Variants in ASPH observed in about 807,000 individuals in gnomAD.
ASPH encodes the protein aspartate beta-hydroxylase.
Under a neutral mutation model 118.4 loss-of-function variants are expected in ASPH, and 100 were observed. The observed-to-expected ratio is 0.84, with a 90% CI of 0.72 to 1.00. The LOEUF (loss-of-function observed/expected upper bound fraction) is 1.00, where lower values mean the gene tolerates loss of function less well. Ranked by LOEUF, ASPH falls within the 50% of genes least tolerant of loss-of-function variation. The pLI is 0.00. For synonymous variants in ASPH, 315 were observed against 325.6 expected (o/e 0.97, Z 0.35); for missense variants, 920 against 919.5 (o/e 1.00, Z -0.01).
rs180988487 is a variant in ASPH, at chr8:61,620,170, A to T, written c.935-1151T>A. ...ACATAAGAGGAAGAAAGGAAAACTA[A>T]CTTTGAAATCTAGCGTGCCAGGCTA... On this transcript the variant is annotated intron_variant, in intron 13 of 24. Transcript: ENST00000379454. Among the ~76,000 whole-genome samples the T allele has an allele frequency of 4.7e-4, 71 of 152,304 alleles. No individual in the cohort carries two copies. The East Asian group carries it at 8.5e-3, about 18-fold the overall frequency.
chr8:61,714,445 A>T lies in ASPH; in HGVS notation c.-74T>A, dbSNP rs3750279. ...GCGGGGGTACACACGCGACGCGGGA[A>T]CCGCTGGCGGCGGCGGGCCGCTGGA... On this transcript the variant is annotated 5_prime_UTR_variant, in exon 1 of 25. Coordinates refer to ENST00000379454, the MANE Select transcript of ASPH (RefSeq NM_004318.4). The T allele has an allele frequency of 7.3e-7, 1 of 1,360,924 alleles. No homozygotes were observed. Among genetic ancestry groups the T allele is most frequent in the Non-Finnish European group, 9.5e-7 (1 of 1,056,508 alleles). The allele number at this position is 1,360,924 out of a possible 1,614,324, so 84.3% of individuals were successfully genotyped here.
chr8:61,577,146 G>A (rs554361773), intron 15 of ASPH, among the ~76,000 whole-genome samples: 38 of 151,890 alleles, frequency 2.5e-4, no homozygotes, highest in Non-Finnish European at 2.1e-4. Flanking sequence ...TGGACACAGG[G>A]TGGGGAACAT....
At chr8:61,584,063 T>A (rs762865091) in intron 14 of ASPH, 34 bp from the exon 15 acceptor site, 17 of 1,320,096 alleles carry the variant, frequency 1.3e-5, no homozygotes, top group Non-Finnish European at 1.7e-5. Context: ...TTTTTAACGT[T>A]TTTTGACTAG....
intron 3 of ASPH, chr8:61,661,656 T>A (rs1816974170): frequency 3.6e-6 from 1 of 275,858 alleles, no homozygotes; most frequent in African/African-American, 2.2e-5. Flanking sequence ...AAATTACAAA[T>A]GACACTTGTT....
chr8:61,570,209 C>A (rs1833049699), intron 16 of ASPH, among the ~76,000 whole-genome samples: 1 of 152,094 alleles, frequency 6.6e-6, no homozygotes, highest in Non-Finnish European at 1.5e-5. Context: ...TAGCATATAG[C>A]CTATTTTATA....
chr8:61,513,280 G>T, intron 24 of ASPH, among the ~76,000 whole-genome samples: 1 of 152,160 alleles, frequency 6.6e-6, no homozygotes, highest in Non-Finnish European at 1.5e-5. Flanking sequence ...AGAACTTCCA[G>T]ATTTCATACT....
chr8:61,512,623 G>A (rs968994131), intron 24 of ASPH, among the ~76,000 whole-genome samples: 1 of 152,122 alleles, frequency 6.6e-6, no homozygotes, highest in Non-Finnish European at 1.5e-5. Flanking sequence ...GCAGCCTTAG[G>A]AAACATATAT....
At chr8:61,644,534 A>G (rs1806878325) in intron 7 of ASPH, 66 bp downstream of exon 7, 5 of 1,192,230 alleles carry the variant, frequency 4.2e-6, no homozygotes, top group East Asian at 2.7e-5. Context: ...GATATTATGT[A>G]TTTTATGATG....
intron 15 of ASPH, among the ~76,000 whole-genome samples, chr8:61,580,858 A>G (rs1282816795): frequency 6.6e-6 from 1 of 152,182 alleles, no homozygotes; most frequent in East Asian, 1.9e-4. Context: ...GTCCTTAATC[A>G]CATCTGCAAA....
chr8:61,649,803 T>G (rs1809971775), intron 5 of ASPH, among the ~76,000 whole-genome samples: 1 of 152,162 alleles, frequency 6.6e-6, no homozygotes, highest in African/African-American at 2.4e-5. Flanking sequence ...CCCCATGCAT[T>G]TTTCATGCTA....
intron 21 of ASPH, among the ~76,000 whole-genome samples, chr8:61,545,039 TG>T (rs1253492191): frequency 6.6e-6 from 1 of 152,128 alleles, no homozygotes; most frequent in African/African-American, 2.4e-5. Flanking sequence ...GAATTTTGTC[TG>T]GAATGAGGAT....
chr8:61,630,320 A>G (rs1854998409), intron 13 of ASPH, among the ~76,000 whole-genome samples: 1 of 152,202 alleles, frequency 6.6e-6, no homozygotes, highest in Non-Finnish European at 1.5e-5. Flanking sequence ...AGATTGAAAA[A>G]TGGCAAGGAG....
chr8:61,571,615 T>A (rs1833500834), intron 16 of ASPH, among the ~76,000 whole-genome samples: 1 of 152,212 alleles, frequency 6.6e-6, no homozygotes, highest in African/African-American at 2.4e-5. Flanking sequence ...GTTGGTTGAA[T>A]CCATGGATAT....
At chr8:61,523,321 T>A (rs977166693) in intron 22 of ASPH, among the ~76,000 whole-genome samples, 5 of 109,148 alleles carry the variant, frequency 4.6e-5, no homozygotes, top group South Asian at 5.5e-4. Context: ...TCTTTCTTTC[T>A]TTTTTTTTTT....
At chr8:61,581,072 C>T (rs1276663915) in intron 15 of ASPH, among the ~76,000 whole-genome samples, 3 of 152,146 alleles carry the variant, frequency 2.0e-5, no homozygotes, top group African/African-American at 7.2e-5. Flanking sequence ...GTGAGATATT[C>T]CTGCTTGACA....
At chr8:61,631,856 G>C (rs1361919670) in intron 13 of ASPH, 2 of 152,392 alleles carry the variant, frequency 1.3e-5, no homozygotes, top group Admixed American at 6.5e-5. Context: ...CTGTATCGGG[G>C]ACGGTCATGC....
chr8:61,675,904 G>C (rs373673237), intron 3 of ASPH: 5 of 1,418,758 alleles, frequency 3.5e-6, no homozygotes, highest in South Asian at 1.7e-5. Flanking sequence ...GGAGCTGAGC[G>C]AGCAAGGGAC....
At chr8:61,610,948 T>A (rs1847152097) in intron 14 of ASPH, among the ~76,000 whole-genome samples, 1 of 152,220 alleles carries the variant, frequency 6.6e-6, no homozygotes, top group Non-Finnish European at 1.5e-5. Flanking sequence ...GAATGGACCC[T>A]CAGAGACTGA....
At chr8:61,703,080 G>A (rs1338139760) in intron 1 of ASPH, among the ~76,000 whole-genome samples, 1 of 152,180 alleles carries the variant, frequency 6.6e-6, no homozygotes, top group Non-Finnish European at 1.5e-5. Context: ...AATCAACCAA[G>A]TGGGACTTTG....
Sources: allele counts gnomAD v4.1 joint callset (sites outside exome capture counted in the v4.1 genomes callset), GRCh38; gene constraint gnomAD v4.1.1; transcripts MANE v1.5; gene names NCBI Gene and HGNC (gene_info 2026-07-23, HGNC 2026-07-21).